The following VEGFC variants were observed in gnomAD, a reference collection of about 807,000 sequenced individuals.
VEGFC encodes vascular endothelial growth factor C.
In VEGFC, 12 loss-of-function variants were observed where a neutral mutation model predicts 46.1. The observed-to-expected ratio is 0.26, with a 90% confidence interval of 0.17 to 0.42. VEGFC has a LOEUF of 0.42. VEGFC is among the 10% of genes least tolerant of loss of function. The pLI is 1.00. For synonymous variants in VEGFC, 232 were observed against 195.5 expected (o/e 1.19, Z -1.56); for missense variants, 488 against 529.4 (o/e 0.92, Z 0.77).
At chr4:176,770,979 T>TATACACAC (rs1553997019) in intron 1 of VEGFC, among the ~76,000 whole-genome samples, 2 of 148,412 alleles carry the variant, frequency 1.3e-5, no homozygotes, top group South Asian at 2.1e-4. Flanking sequence ...AAGTAACTGA[T>TATACACAC]ACACACACAC....
intron 1 of VEGFC, among the ~76,000 whole-genome samples, chr4:176,752,932 C>T (rs1396283199): frequency 6.6e-6 from 1 of 151,936 alleles, no homozygotes; most frequent in African/African-American, 2.4e-5. Flanking sequence ...AGGACCAAAA[C>T]TATAGAATAT....
rs377267755 is a variant in VEGFC, at chr4:176,769,012, G to A, written c.147+23153C>T. Among the ~76,000 whole-genome samples, 10 of 152,004 alleles carry A rather than the reference G, an allele frequency of 6.6e-5. No homozygotes were observed. The East Asian group carries it at 2.0e-3, about 30-fold the overall frequency. On this transcript the variant is annotated intron_variant, in intron 1 of 6. Coordinates refer to ENST00000618562, the MANE Select transcript of VEGFC (RefSeq NM_005429.5). The stretch of plus-strand genomic sequence containing the variant: ...TTTGGTATTAAGAGGCCAGACCTTT[G>A]GGAGATGATGAGGTCATGAGGGTGG...
chr4:176,750,065 A>AT (rs758074107), intron 1 of VEGFC, among the ~76,000 whole-genome samples: 8 of 151,694 alleles, frequency 5.3e-5, no homozygotes, highest in African/African-American at 1.2e-4. Context: ...AGAACTAGAG[A>AT]TTTTTTTTAT....
chr4:176,707,610 C>CCTGGATGGGGCTAAAAT (rs1348587775), intron 4 of VEGFC, among the ~76,000 whole-genome samples: 1 of 152,002 alleles, frequency 6.6e-6, no homozygotes, highest in Admixed American at 6.6e-5. Context: ...GGGTATGAGG[C>CCTGGATGGGGCTAAAAT]CTGGATGGGG....
chr4:176,730,119 ATGCTT>A (rs978224590), intron 1 of VEGFC, among the ~76,000 whole-genome samples: 33 of 152,232 alleles, frequency 2.2e-4, no homozygotes, highest in Admixed American at 7.9e-4. Flanking sequence ...ATCCACCCTA[ATGCTT>A]TGCTTTATTT....
chr4:176,749,329 A>T (rs1735304842), intron 1 of VEGFC, among the ~76,000 whole-genome samples: 1 of 151,964 alleles, frequency 6.6e-6, no homozygotes, highest in African/African-American at 2.4e-5. Context: ...CAGAAAAGAG[A>T]TGTTATAGTG....
chr4:176,696,056 C>A (rs1373478069), intron 4 of VEGFC, among the ~76,000 whole-genome samples: 7 of 149,056 alleles, frequency 4.7e-5, no homozygotes, highest in Admixed American at 4.0e-4. Flanking sequence ...TGGAAGCATT[C>A]CCTTTGAAAA....
In VEGFC at chr4:176,710,491, AAGGGGTCCCC is replaced by A. The variant is rs1354757440; in HGVS notation, c.704+998_704+1007del. 3.3e-5 allele frequency among the ~76,000 whole-genome samples: 5 copies of A among 152,270 alleles called. No homozygotes were observed. In the South Asian group the frequency reaches 6.2e-4, roughly 19 times the overall value. On this transcript the variant is annotated intron_variant, in intron 4 of 6. Transcript: ENST00000618562. ...TTTCCTAAACTGTCCCTGGACAAAC[AAGGGGTCCCC>A]CTATCTGCCACACTAAGCAGAGTAG...
intron 1 of VEGFC, among the ~76,000 whole-genome samples, chr4:176,776,162 T>C (rs1022881567): frequency 6.6e-6 from 1 of 152,198 alleles, no homozygotes; most frequent in Non-Finnish European, 1.5e-5. Context: ...AATCTTGCTT[T>C]ACATAAGTCT....
chr4:176,692,389 G>C lies in VEGFC; in HGVS notation c.705-4462C>G, dbSNP rs60401153. 8.3e-3 allele frequency among the ~76,000 whole-genome samples: 946 copies of C among 114,604 alleles called. 43 individuals carry two copies. The highest frequency in any genetic ancestry group is 0.044 in the African/African-American group (737 of 16,712). 75.2% of individuals were successfully genotyped at this position (114,604 alleles called of 152,430 possible). A position where few individuals can be genotyped will look rare whatever the true frequency, so the allele number is the denominator to read the frequency against. ...AGCCTGGGCGACAGAGCGAGACTCC[G>C]TCTCAAAAACAAACAAACAAACAAA... On this transcript the variant is annotated intron_variant, in intron 4 of 6. Coordinates refer to ENST00000618562, the MANE Select transcript of VEGFC (RefSeq NM_005429.5).
At chr4:176,740,426 GT>G (rs1735149632) in intron 1 of VEGFC, among the ~76,000 whole-genome samples, 1 of 41,690 alleles carries the variant, frequency 2.4e-5, no homozygotes, top group South Asian at 1.7e-3. Context: ...TCTATATATA[GT>G]TATATATATA....
At chr4:176,750,314 C>A (rs1735320961) in intron 1 of VEGFC, among the ~76,000 whole-genome samples, 1 of 151,474 alleles carries the variant, frequency 6.6e-6, no homozygotes, top group Non-Finnish European at 1.5e-5. Flanking sequence ...TAGTGATAAT[C>A]AAATTAGATT....
chr4:176,716,601 A>AG (rs1348858811), intron 3 of VEGFC, among the ~76,000 whole-genome samples: 7 of 150,326 alleles, frequency 4.7e-5, no homozygotes, highest in African/African-American at 1.5e-4. Flanking sequence ...AAAAAAAAAA[A>AG]AAAAAGAAAA....
rs1733989102 is a variant in VEGFC, at chr4:176,683,981, C to G, written c.1205G>C (p.Ser402Thr). Residue 402 changes from serine (S) to threonine (T), a missense_variant, in exon 7 of 7, where the codon AGT becomes ACT. Coordinates refer to ENST00000618562, the MANE Select transcript of VEGFC (RefSeq NM_005429.5). ...QKACEPGFSY[S>T]EEVCRCVPSY... ...AGGGACACAACGACACACTTCTTCA[C>G]TATATGAAAATCCTGGCTCACAAGC... 2 of 1,614,214 alleles carry G rather than the reference C, an allele frequency of 1.2e-6. No individual in the cohort carries two copies. The highest frequency in any genetic ancestry group is 2.2e-5 in the South Asian group (2 of 91,084).
chr4:176,770,795 C>T (rs1331382455), intron 1 of VEGFC, among the ~76,000 whole-genome samples: 7 of 152,040 alleles, frequency 4.6e-5, no homozygotes, highest in African/African-American at 1.7e-4. Context: ...AACACTGAGG[C>T]CTGTCATAGA....
At chr4:176,688,014 C>G (rs1291281793) in intron 4 of VEGFC, 87 bp from the exon 5 acceptor site, 1 of 654,270 alleles carries the variant, frequency 1.5e-6, no homozygotes, top group Non-Finnish European at 2.6e-6. Flanking sequence ...CAAAATAATG[C>G]TCATAGAAAA....
Position 176,747,842 on chromosome 4 carries a change from G to C in VEGFC, c.148-18096C>G, listed in dbSNP as rs934776860. ...TCTCTTTCATTAAGCATCTTATAAG[G>C]AGGGAAGACAAATGAGGGTCAGGAA... On this transcript the variant is annotated intron_variant, in intron 1 of 6. Coordinates refer to ENST00000618562, the MANE Select transcript of VEGFC (RefSeq NM_005429.5). Among the ~76,000 whole-genome samples, 70 of 151,992 alleles carry C rather than the reference G, an allele frequency of 4.6e-4. 1 individual carries two copies. The highest frequency in any genetic ancestry group is 4.6e-3 in the Admixed American group (70 of 15,236).
intron 6 of VEGFC, among the ~76,000 whole-genome samples, chr4:176,686,916 AT>A (rs1187512804): frequency 6.6e-6 from 1 of 152,148 alleles, no homozygotes. Flanking sequence ...GCCTTTAGGT[AT>A]TTTGAAAACA....
chr4:176,777,918 CAAAAAAAAAAAAAAAAAA>C (rs773634012), intron 1 of VEGFC, among the ~76,000 whole-genome samples: 3 of 57,174 alleles, frequency 5.2e-5, no homozygotes, highest in East Asian at 6.9e-4. Context: ...GACTTTGTCT[CAAAAAAAAAAAAAAAAAA>C]AAAAAAAAAA....
Sources: allele counts gnomAD v4.1 joint callset (sites outside exome capture counted in the v4.1 genomes callset), GRCh38; gene constraint gnomAD v4.1.1; transcripts MANE v1.5; gene names NCBI Gene and HGNC (gene_info 2026-07-23, HGNC 2026-07-21).